TRAPPC9: variants seen among roughly 807,000 people sequenced by gnomAD.
TRAPPC9 encodes the protein IKK2 binding protein.
Under a neutral mutation model 124.0 loss-of-function variants are expected in TRAPPC9, and 83 were observed. The ratio of observed to expected loss-of-function variants is 0.67; its 90% CI spans 0.56 to 0.80. The LOEUF is 0.80. Ranked by LOEUF, TRAPPC9 falls within the 30% of genes least tolerant of loss-of-function variation. TRAPPC9 has a pLI of 0.00. For synonymous variants in TRAPPC9, 638 were observed against 617.5 expected, an observed-to-expected ratio of 1.03 and a Z score of -0.49; for missense variants, 1,302 against 1,508.3, an observed-to-expected ratio of 0.86 and a Z score of 2.27.
chr8:140,341,696 T>G (rs1159163633), intron 9 of TRAPPC9, among the ~76,000 whole-genome samples: 1 of 151,124 alleles, frequency 6.6e-6, no homozygotes, highest in Non-Finnish European at 1.5e-5. Flanking sequence ...AAAAAAAAAC[T>G]TTGGGAAGAA....
At position 140,300,521 on chromosome 8, in the gene TRAPPC9, G is replaced by A. The variant is rs376801071; in HGVS notation, c.1716C>T (p.Ile572=). ...GGTTGTGTGCGATAATTGGTGAATAGATGAAAGGACTTTTGGTTGACACGT... is the reference window on the plus strand; with the variant it reads ...GGTTGTGTGCGATAATTGGTGAATAAATGAAAGGACTTTTGGTTGACACGT... ...GQNVSTKSPF[I]YSPIIAHNRG... Residue 572 remains isoleucine, a synonymous_variant, in exon 11 of 23, where the codon ATC becomes ATT. Coordinates refer to ENST00000438773, the MANE Select transcript of TRAPPC9 (RefSeq NM_001160372.4). 1 of 1,614,118 alleles carries A rather than the reference G, an allele frequency of 6.2e-7. No homozygotes were observed. Among genetic ancestry groups the A allele is most frequent in the African/African-American group, 1.3e-5 (1 of 74,942 alleles).
chr8:140,127,598 T>A (rs1194221162), intron 17 of TRAPPC9, among the ~76,000 whole-genome samples: 1 of 152,188 alleles, frequency 6.6e-6, no homozygotes, highest in Non-Finnish European at 1.5e-5. Flanking sequence ...TGATTTAGAA[T>A]CATGTTAAGG....
chr8:140,399,786 T>C (rs1232266281), intron 6 of TRAPPC9, among the ~76,000 whole-genome samples: 1 of 151,992 alleles, frequency 6.6e-6, no homozygotes, highest in Non-Finnish European at 1.5e-5. Context: ...GAAGGCATGA[T>C]TGGTTTTGAA....
chr8:140,333,233 G>C (rs1414114503), intron 9 of TRAPPC9, among the ~76,000 whole-genome samples: 5 of 151,962 alleles, frequency 3.3e-5, no homozygotes, highest in African/African-American at 2.4e-5. Flanking sequence ...ATGTTAACAG[G>C]GCTTGCCTAT....
intron 21 of TRAPPC9, among the ~76,000 whole-genome samples, chr8:139,741,794 C>T (rs1818578094): frequency 6.6e-6 from 1 of 152,132 alleles, no homozygotes; most frequent in South Asian, 2.1e-4. Flanking sequence ...CGGCGCCTGG[C>T]TTCCTTCGCA....
chr8:139,939,927 C>T (rs917361170), intron 19 of TRAPPC9, among the ~76,000 whole-genome samples: 3 of 152,246 alleles, frequency 2.0e-5, no homozygotes, highest in African/African-American at 7.2e-5. Context: ...CAGCATGCGG[C>T]TCTGCACAGC....
chr8:140,299,604 G>A (rs75073264), intron 11 of TRAPPC9, among the ~76,000 whole-genome samples: 5,096 of 152,352 alleles, frequency 0.033, 286 homozygotes, highest in African/African-American at 0.11. Flanking sequence ...GTCACAGGAC[G>A]TGTGGGCTCA....
chr8:140,157,539 G>A (rs940838844), intron 17 of TRAPPC9, among the ~76,000 whole-genome samples: 3 of 152,262 alleles, frequency 2.0e-5, no homozygotes, highest in African/African-American at 7.2e-5. Context: ...GTAACACCAT[G>A]AGAGATGCTA....
chr8:140,274,466 C>G (rs1297868867), intron 15 of TRAPPC9, among the ~76,000 whole-genome samples: 3 of 152,178 alleles, frequency 2.0e-5, no homozygotes, highest in Non-Finnish European at 4.4e-5. Flanking sequence ...CAGACACGGA[C>G]CGGGAGAATG....
chr8:140,282,607 A>C (rs1389590143), intron 14 of TRAPPC9, among the ~76,000 whole-genome samples: 4 of 151,934 alleles, frequency 2.6e-5, no homozygotes, highest in Non-Finnish European at 5.9e-5. Context: ...TCCAATAGCA[A>C]GGAAATTAAT....
chr8:140,344,403 A>G (rs2067276926), intron 9 of TRAPPC9, among the ~76,000 whole-genome samples: 1 of 152,202 alleles, frequency 6.6e-6, no homozygotes, highest in Non-Finnish European at 1.5e-5. Flanking sequence ...GAGAAGTTAC[A>G]TGACTTTCCC....
At chr8:139,807,330 G>A (rs1330559374) in intron 21 of TRAPPC9, among the ~76,000 whole-genome samples, 1 of 152,196 alleles carries the variant, frequency 6.6e-6, no homozygotes, top group Non-Finnish European at 1.5e-5. Context: ...CATGACCCAT[G>A]CGTTCAGAAG....
chr8:139,922,551 G>A (rs536603527), intron 19 of TRAPPC9, among the ~76,000 whole-genome samples: 76 of 152,244 alleles, frequency 5.0e-4, no homozygotes, highest in Non-Finnish European at 8.7e-4. Flanking sequence ...ACTGCCAGGA[G>A]TCAAGTCTAC....
intron 17 of TRAPPC9, among the ~76,000 whole-genome samples, chr8:140,151,926 C>T (rs1450753200): frequency 2.0e-5 from 3 of 152,170 alleles, no homozygotes; most frequent in Non-Finnish European, 4.4e-5. Context: ...AGCCTCGACA[C>T]ACCCCACACT....
intron 21 of TRAPPC9, among the ~76,000 whole-genome samples, chr8:139,833,254 T>C (rs1826105370): frequency 6.6e-6 from 1 of 152,166 alleles, no homozygotes; most frequent in Admixed American, 6.5e-5. Flanking sequence ...CAGAGAACCT[T>C]CATAAAACCT....
chr8:140,242,697 GA>G (rs904172756), intron 16 of TRAPPC9, among the ~76,000 whole-genome samples: 10 of 152,332 alleles, frequency 6.6e-5, no homozygotes, highest in African/African-American at 2.4e-4. Context: ...AATCATTTAG[GA>G]AAAATATAGT....
At chr8:140,268,379 G>A (rs2064760764) in intron 15 of TRAPPC9, among the ~76,000 whole-genome samples, 1 of 152,148 alleles carries the variant, frequency 6.6e-6, no homozygotes, top group African/African-American at 2.4e-5. Flanking sequence ...TAAAGTGACA[G>A]GAATTACTCC....
chr8:140,134,798 G>A (rs961385720), intron 17 of TRAPPC9, among the ~76,000 whole-genome samples: 1 of 152,106 alleles, frequency 6.6e-6, no homozygotes, highest in South Asian at 2.1e-4. Context: ...ACAAGCAAAT[G>A]AAGAAACAAA....
chr8:140,325,660 C>A (rs578144485), intron 9 of TRAPPC9, among the ~76,000 whole-genome samples: 2 of 152,314 alleles, frequency 1.3e-5, no homozygotes, highest in African/African-American at 4.8e-5. Flanking sequence ...GATGGCTTCA[C>A]TCGTAAGTTC....
Sources: allele counts gnomAD v4.1 joint callset (sites outside exome capture counted in the v4.1 genomes callset), GRCh38; gene constraint gnomAD v4.1.1; transcripts MANE v1.5; gene names NCBI Gene and HGNC (gene_info 2026-07-23, HGNC 2026-07-21).